KIRREL1: variants seen among roughly 807,000 people sequenced by gnomAD.
KIRREL1 encodes kin of IRRE-like protein 1.
KIRREL1 carries 25 observed loss-of-function variants against 83.3 expected under a neutral mutation model. That is an observed-to-expected ratio of 0.30 (90% CI 0.22 to 0.42). The LOEUF is 0.42. Among genes scored for constraint, KIRREL1 ranks in the 10% least tolerant of loss-of-function variants. The probability of loss-of-function intolerance (pLI) is 1.00; values close to 1 mark genes in which losing one functional copy is unlikely to be tolerated. For synonymous variants in KIRREL1, 388 were observed against 410.4 expected (o/e 0.95, Z 0.66); for missense variants, 812 against 1,032.3 (o/e 0.79, Z 2.92).
At chr1:158,080,832 A>C (rs1661828011) in intron 3 of KIRREL1, among the ~76,000 whole-genome samples, 1 of 152,226 alleles carries the variant, frequency 6.6e-6, no homozygotes. Context: ...ACACGGAGGC[A>C]ATAAGAAGGC....
At chr1:158,016,839 C>T (rs1659839910) in intron 1 of KIRREL1, among the ~76,000 whole-genome samples, 3 of 152,154 alleles carry the variant, frequency 2.0e-5, no homozygotes, top group African/African-American at 7.2e-5. Flanking sequence ...CTTGGAAAGA[C>T]AATAGGGTAA....
At chr1:158,047,619 C>T (rs1044051298) in intron 1 of KIRREL1, among the ~76,000 whole-genome samples, 3 of 152,112 alleles carry the variant, frequency 2.0e-5, no homozygotes, top group Non-Finnish European at 2.9e-5. Flanking sequence ...ACTTCTAATC[C>T]TCCCCACAGC....
At chr1:158,055,235 G>A (rs536212991) in intron 1 of KIRREL1, among the ~76,000 whole-genome samples, 3 of 152,080 alleles carry the variant, frequency 2.0e-5, no homozygotes, top group African/African-American at 4.8e-5. Context: ...AACCAAGGAA[G>A]GGGAGGCGGC....
chr1:158,009,598 G>A lies in KIRREL1; in HGVS notation c.52+15870G>A, dbSNP rs957473438. Among the ~76,000 whole-genome samples the A allele has an allele frequency of 5.9e-5, 9 of 152,340 alleles. No homozygotes were observed. The South Asian group carries it at 1.4e-3, about 25-fold the overall frequency. On this transcript the variant is annotated intron_variant, in intron 1 of 14. Coordinates refer to ENST00000359209, the MANE Select transcript of KIRREL1 (RefSeq NM_018240.7). ...TTTGTTCTACTTCCTCGAAAAAGGA[G>A]GGAAGGCACACAATTTCTACCTTGT...
intron 3 of KIRREL1, among the ~76,000 whole-genome samples, chr1:158,079,040 C>T (rs2101628320): frequency 6.6e-6 from 1 of 152,234 alleles, no homozygotes; most frequent in East Asian, 1.9e-4. Context: ...CTGTTCTCTC[C>T]AGCCCTGTTG....
intron 1 of KIRREL1, among the ~76,000 whole-genome samples, chr1:158,031,353 A>G (rs1660321560): frequency 6.6e-6 from 1 of 151,982 alleles, no homozygotes; most frequent in Non-Finnish European, 1.5e-5. Flanking sequence ...GCACACACAC[A>G]CATGCACACA....
intron 1 of KIRREL1, among the ~76,000 whole-genome samples, chr1:158,029,696 C>T (rs558343476): frequency 2.7e-3 from 405 of 152,214 alleles, no homozygotes; most frequent in African/African-American, 9.2e-3. Context: ...CAGAGAGATA[C>T]GAACTTTAAT....
chr1:158,004,345 G>A (rs961342423), intron 1 of KIRREL1, among the ~76,000 whole-genome samples: 1 of 152,130 alleles, frequency 6.6e-6, no homozygotes, highest in Non-Finnish European at 1.5e-5. Flanking sequence ...ACAAAGAATA[G>A]GCCAAATACA....
intron 4 of KIRREL1, among the ~76,000 whole-genome samples, chr1:158,085,529 A>T (rs1661988692): frequency 2.0e-5 from 3 of 152,228 alleles, no homozygotes; most frequent in Admixed American, 2.0e-4. Context: ...ACATGTTTTT[A>T]GATATTTTGG....
At chr1:158,000,475 G>C (rs1459978660) in intron 1 of KIRREL1, among the ~76,000 whole-genome samples, 2 of 152,194 alleles carry the variant, frequency 1.3e-5, no homozygotes, top group Non-Finnish European at 2.9e-5. Context: ...TCCTCATTCT[G>C]TAACACTGGT....
chr1:158,070,249 A>G (rs1661475199), intron 1 of KIRREL1, among the ~76,000 whole-genome samples: 1 of 152,228 alleles, frequency 6.6e-6, no homozygotes, highest in Admixed American at 6.5e-5. Flanking sequence ...AATCTCGTCC[A>G]TTCTGGAGAG....
At chr1:158,055,138 C>T (rs2101597311) in intron 1 of KIRREL1, among the ~76,000 whole-genome samples, 1 of 152,160 alleles carries the variant, frequency 6.6e-6, no homozygotes, top group East Asian at 1.9e-4. Context: ...CCTGCCTTCC[C>T]CCTGAATGAA....
chr1:158,086,763 G>A lies in KIRREL1; in HGVS notation c.661+17G>A, dbSNP rs1251752373. On this transcript the variant is annotated intron_variant, in intron 5 of 14. Coordinates refer to ENST00000359209, the MANE Select transcript of KIRREL1 (RefSeq NM_018240.7). ...ATGTGCACCGTGAGTGGGCTGGGGG[G>A]AGCAGTCTGGAGCAGGGGGGTGGAA... 5 of 1,528,778 alleles carry A rather than the reference G, an allele frequency of 3.3e-6. No homozygotes were observed. The highest frequency in any genetic ancestry group is 1.7e-4 in the Middle Eastern group (1 of 5,950). The allele number at this position is 1,528,778 out of a possible 1,614,324, so 94.7% of individuals were successfully genotyped here.
chr1:158,074,153 C>A (rs747803834), intron 1 of KIRREL1, among the ~76,000 whole-genome samples: 1 of 152,192 alleles, frequency 6.6e-6, no homozygotes, highest in African/African-American at 2.4e-5. Flanking sequence ...GCACCTGCCA[C>A]CCTGATCACT....
intron 8 of KIRREL1, among the ~76,000 whole-genome samples, chr1:158,089,190 G>A (rs375948120): frequency 3.9e-5 from 6 of 152,288 alleles, no homozygotes; most frequent in African/African-American, 1.4e-4. Flanking sequence ...AACGTCCTAT[G>A]TCATTTGGCA....
At chr1:158,084,827 T>C (rs1307381990) in intron 4 of KIRREL1, among the ~76,000 whole-genome samples, 1 of 152,238 alleles carries the variant, frequency 6.6e-6, no homozygotes, top group African/African-American at 2.4e-5. Context: ...TGCCATGGAT[T>C]AAGCACCTAC....
intron 1 of KIRREL1, among the ~76,000 whole-genome samples, chr1:158,010,752 C>A (rs1250755899): frequency 1.3e-5 from 2 of 152,114 alleles, no homozygotes; most frequent in Non-Finnish European, 2.9e-5. Context: ...AGACACCCAA[C>A]CCCCTTTCTC....
chr1:158,078,212 C>T, intron 3 of KIRREL1, 72 bp downstream of exon 3: 1 of 1,482,960 alleles, frequency 6.7e-7, no homozygotes. Context: ...TCCCACTCTC[C>T]AGTTCCCTCT....
intron 1 of KIRREL1, among the ~76,000 whole-genome samples, chr1:157,995,560 A>C (rs902701599): frequency 7.2e-5 from 11 of 152,134 alleles, no homozygotes; most frequent in Admixed American, 6.5e-4. Context: ...GGGCAAGCTT[A>C]TGTCTGTCCC....
Sources: gnomAD v4.1 joint callset for allele counts (sites outside exome capture counted in the v4.1 genomes callset) on GRCh38, gnomAD v4.1.1 for gene constraint, MANE v1.5 for transcripts, NCBI Gene and HGNC (gene_info 2026-07-23, HGNC 2026-07-21) for gene names.